PPM1E: variants seen among roughly 807,000 people sequenced by gnomAD.
PPM1E encodes protein phosphatase 1E.
Under a neutral mutation model 65.9 loss-of-function variants are expected in PPM1E, and 20 were observed. The ratio of observed to expected loss-of-function variants is 0.30; its 90% CI spans 0.21 to 0.44. The LOEUF is 0.44. PPM1E is among the 20% of genes least tolerant of loss of function. PPM1E has a pLI of 1.00. For missense variants in PPM1E, 713 were observed against 953.1 expected, an observed-to-expected ratio of 0.75 and a Z score of 3.32; for synonymous variants, 352 against 374.9, an observed-to-expected ratio of 0.94 and a Z score of 0.70.
chr17:58,834,366 TA>T (rs1301281940), intron 1 of PPM1E, among the ~76,000 whole-genome samples: 1 of 152,202 alleles, frequency 6.6e-6, no homozygotes, highest in Non-Finnish European at 1.5e-5. Flanking sequence ...CTCATTTTCT[TA>T]ATATCTTTCA....
intron 1 of PPM1E, among the ~76,000 whole-genome samples, chr17:58,776,043 A>ATAAC (rs1285110671): frequency 6.6e-6 from 1 of 151,856 alleles, no homozygotes; most frequent in African/African-American, 2.4e-5. Context: ...AAATAAATAA[A>ATAAC]TAAAAAATAA....
At chr17:58,901,796 G>A (rs1457720745) in intron 1 of PPM1E, among the ~76,000 whole-genome samples, 2 of 152,074 alleles carry the variant, frequency 1.3e-5, no homozygotes, top group African/African-American at 2.4e-5. Context: ...GACCAACATA[G>A]AGATACCGTG....
At chr17:58,790,017 G>C (rs1019375071) in intron 1 of PPM1E, among the ~76,000 whole-genome samples, 1 of 152,072 alleles carries the variant, frequency 6.6e-6, no homozygotes, top group Admixed American at 6.6e-5. Flanking sequence ...GAATAAATAA[G>C]TTAGTTGAGC....
At chr17:58,929,489 T>C (rs2143562474) in intron 1 of PPM1E, among the ~76,000 whole-genome samples, 1 of 152,340 alleles carries the variant, frequency 6.6e-6, no homozygotes, top group East Asian at 1.9e-4. Flanking sequence ...GTTAACAATA[T>C]GCATATTTGC....
At chr17:58,914,274 A>G (rs1472438962) in intron 1 of PPM1E, among the ~76,000 whole-genome samples, 1 of 152,160 alleles carries the variant, frequency 6.6e-6, no homozygotes, top group Non-Finnish European at 1.5e-5. Context: ...ATTACTGTTA[A>G]CTACATTCCA....
intron 1 of PPM1E, among the ~76,000 whole-genome samples, chr17:58,927,689 T>G (rs2051841142): frequency 6.6e-6 from 1 of 151,652 alleles, no homozygotes; most frequent in South Asian, 2.1e-4. Flanking sequence ...GCAGGTGGAT[T>G]GCTTGAGCCC....
At chr17:58,951,673 T>TA (rs201816613) in intron 1 of PPM1E, among the ~76,000 whole-genome samples, 32,923 of 129,544 alleles carry the variant, frequency 0.25, 4,411 homozygotes, top group African/African-American at 0.39. Context: ...AGACTCTCTT[T>TA]AAAAAAAAAA....
chr17:58,810,570 G>A (rs2143092983), intron 1 of PPM1E, among the ~76,000 whole-genome samples: 1 of 152,270 alleles, frequency 6.6e-6, no homozygotes, highest in Non-Finnish European at 1.5e-5. Context: ...GTGATGTTAA[G>A]ATTGGTCCAA....
chr17:58,960,228 C>A (rs529084954), intron 2 of PPM1E, among the ~76,000 whole-genome samples: 1 of 152,234 alleles, frequency 6.6e-6, no homozygotes, highest in Admixed American at 6.5e-5. Context: ...GCTAGGAACC[C>A]AGGTCTTCAT....
intron 2 of PPM1E, among the ~76,000 whole-genome samples, chr17:58,960,583 TG>T (rs924926211): frequency 1.3e-5 from 2 of 151,958 alleles, no homozygotes; most frequent in African/African-American, 4.8e-5. Context: ...GAGACCAGTC[TG>T]GCCAACATGG....
Position 58,972,134 on chromosome 17 carries a change from C to A in PPM1E, c.975C>A (p.Ser325Arg), listed in dbSNP as rs777764856. The A allele has an allele frequency of 6.2e-7, 1 of 1,612,340 alleles. No individual in the cohort carries two copies. The highest frequency in any genetic ancestry group is 8.5e-7 in the Non-Finnish European group (1 of 1,178,858). ...AGTTTTATTTAAACTGTTTTCAGAG[C>A]TTAAGATGTGGGACCACAGGAGTGG... is the stretch of plus-strand genomic sequence containing the variant. Reference protein sequence around the residue: ...ERFVQKAARESLRCGTTGVVT... With the variant: ...ERFVQKAARERLRCGTTGVVT... Residue 325 changes from serine to arginine, a missense_variant and splice_region_variant, in exon 5 of 7, where the codon AGC (serine) becomes AGA (arginine). By Grantham distance (110) the Ser-to-Arg change is moderately radical (BLOSUM62 -1). Coordinates refer to ENST00000308249, the MANE Select transcript of PPM1E (RefSeq NM_014906.5).
At chr17:58,838,542 GAA>G (rs2050685637) in intron 1 of PPM1E, among the ~76,000 whole-genome samples, 1 of 152,152 alleles carries the variant, frequency 6.6e-6, no homozygotes, top group South Asian at 2.1e-4. Context: ...AAAAACAAAA[GAA>G]ACTCTCATCT....
At chr17:58,816,025 CT>C (rs200564128) in intron 1 of PPM1E, among the ~76,000 whole-genome samples, 3 of 150,966 alleles carry the variant, frequency 2.0e-5, no homozygotes, top group South Asian at 4.2e-4. Flanking sequence ...TATAATATTT[CT>C]TTTTTTTTGT....
chr17:58,911,204 T>G (rs1027451828), intron 1 of PPM1E, among the ~76,000 whole-genome samples: 6 of 152,248 alleles, frequency 3.9e-5, no homozygotes, highest in African/African-American at 1.4e-4. Context: ...ACCTCACTTC[T>G]CTTAAGAATC....
intron 1 of PPM1E, among the ~76,000 whole-genome samples, chr17:58,941,446 G>A (rs1335850194): frequency 1.3e-5 from 2 of 152,060 alleles, no homozygotes; most frequent in Non-Finnish European, 2.9e-5. Context: ...TGTAATCCCA[G>A]CACTTTGGGA....
intron 1 of PPM1E, among the ~76,000 whole-genome samples, chr17:58,941,959 C>T (rs1330450905): frequency 2.0e-5 from 3 of 149,046 alleles, no homozygotes; most frequent in South Asian, 2.1e-4. Context: ...GAGCCAAGAT[C>T]GCGCCATTGC....
chr17:58,972,176 C>T lies in PPM1E; in HGVS notation c.1017C>T (p.Gly339=). 1.2e-6 allele frequency: 2 copies of T among 1,614,050 alleles called. No homozygotes were observed. The highest frequency in any genetic ancestry group is 1.1e-5 in the South Asian group (1 of 91,082). Residue 339 remains glycine (G), a synonymous_variant, in exon 5 of 7, where the codon GGC becomes GGT. Coordinates refer to ENST00000308249, the MANE Select transcript of PPM1E (RefSeq NM_014906.5). The stretch of plus-strand genomic sequence containing the variant: ...CAGGAGTGGTGACTTTCATCAGAGG[C>T]AACATGCTACATGTGGCCTGGGTGG... ...GTTGVVTFIR[G]NMLHVAWVGD...
intron 3 of PPM1E, among the ~76,000 whole-genome samples, chr17:58,968,496 C>T (rs991425023): frequency 6.6e-6 from 1 of 152,164 alleles, no homozygotes; most frequent in Non-Finnish European, 1.5e-5. Context: ...CCTTCCAAAT[C>T]CCCATGAGAC....
chr17:58,961,125 C>A (rs916251836), intron 2 of PPM1E, among the ~76,000 whole-genome samples: 2 of 152,018 alleles, frequency 1.3e-5, no homozygotes, highest in Admixed American at 6.5e-5. Context: ...AACTAGACCT[C>A]CCGATATTAA....
Sources: allele counts gnomAD v4.1 joint callset (sites outside exome capture counted in the v4.1 genomes callset), GRCh38; gene constraint gnomAD v4.1.1; transcripts MANE v1.5; gene names NCBI Gene and HGNC (gene_info 2026-07-23, HGNC 2026-07-21).